The following USP38 variants were observed in gnomAD, a reference collection of about 807,000 sequenced individuals.
USP38 encodes ubiquitin carboxyl-terminal hydrolase 38.
Under a neutral mutation model 94.3 loss-of-function variants are expected in USP38, and 49 were observed. The observed-to-expected ratio is 0.52, with a 90% CI of 0.41 to 0.66. The LOEUF (loss-of-function observed/expected upper bound fraction) is 0.66, where lower values mean the gene tolerates loss of function less well. USP38 is among the 30% of genes least tolerant of loss of function. The pLI is 0.00. For missense variants in USP38, 1,128 were observed against 1,229.4 expected, an observed-to-expected ratio of 0.92 and a Z score of 1.23; for synonymous variants, 468 against 463.6, an observed-to-expected ratio of 1.01 and a Z score of -0.12.
chr4:143,212,199 T>C (rs1452722937), intron 7 of USP38, 119 bp from the exon 8 acceptor site: 3 of 700,530 alleles, frequency 4.3e-6, no homozygotes, highest in South Asian at 2.9e-5. Context: ...TCCGGCACTT[T>C]TGGCTGATGC....
Position 143,185,592 on chromosome 4 carries a change from C to T in USP38, c.142C>T (p.Leu48Phe). 4 of 1,614,172 alleles carry T rather than the reference C, an allele frequency of 2.5e-6. No individual in the cohort carries two copies. The highest frequency in any genetic ancestry group is 3.4e-6 in the Non-Finnish European group (4 of 1,180,030). Residue 48 changes from leucine to phenylalanine, a missense_variant, in exon 1 of 10, where the codon CTC becomes TTC. Leu to Phe is a conservative substitution (Grantham distance 22, BLOSUM62 0). Transcript: ENST00000307017. ...GGCCATGTTTGACCTGACGACCCGG[C>T]TCATCCTGGAGGGCCAGGACCCTTT... ...CEAMFDLTTRLILEGQDPFQR... is the reference protein window; with the variant it reads ...CEAMFDLTTRFILEGQDPFQR...
At chr4:143,188,003 G>A (rs1409776805) in intron 2 of USP38, 42 bp downstream of exon 2, 3 of 1,556,780 alleles carry the variant, frequency 1.9e-6, no homozygotes, top group Non-Finnish European at 2.6e-6. Context: ...GTAGATTTGG[G>A]GAAGAGGAAG....
Position 143,206,077 on chromosome 4 carries a change from T to C in USP38, c.1254T>C (p.Asn418=). ...PSEEKIKLIL[N]QSAWTSQSNS... Reference sequence around the variant, plus strand: ...AAGAGAAGATTAAGTTAATTCTCAATCAAAGTGCCTGGACTTCTCAATCCA... The same window carrying C: ...AAGAGAAGATTAAGTTAATTCTCAACCAAAGTGCCTGGACTTCTCAATCCA... Residue 418 remains asparagine, a synonymous_variant, in exon 6 of 10, where the codon AAT becomes AAC. Transcript: ENST00000307017. The C allele has an allele frequency of 6.2e-7, 1 of 1,612,470 alleles. No homozygotes were observed. Among genetic ancestry groups the C allele is most frequent in the Non-Finnish European group, 8.5e-7 (1 of 1,179,400 alleles).
rs750142883 is a variant in USP38 at position 143,185,477 on chromosome 4, G to A, written c.27G>A (p.Val9=). ...TGGACAAGATCCTGGAGGGCCTTGT[G>A]AGTTCCTCGCATCCCCTGCCCCTCA... MDKILEGL[V]SSSHPLPLKR... The change falls in exon 1 of 10, where the codon GTG becomes GTA. Residue 9 remains valine (V), a synonymous_variant. Transcript: ENST00000307017. 2.5e-6 allele frequency: 4 copies of A among 1,600,478 alleles called. No individual in the cohort carries two copies. The African/African-American group carries it at 5.3e-5, about 21-fold the overall frequency.
chr4:143,199,620 T>G (rs1731653516), intron 4 of USP38, among the ~76,000 whole-genome samples: 1 of 152,168 alleles, frequency 6.6e-6, no homozygotes, highest in Admixed American at 6.5e-5. Context: ...AGTGTTCCCC[T>G]TTTTTTGAAC....
chr4:143,212,448 G>T, intron 8 of USP38, 24 bp downstream of exon 8: 1 of 1,514,800 alleles, frequency 6.6e-7, no homozygotes, highest in Non-Finnish European at 9.0e-7. Context: ...TTAAAATTGT[G>T]ATTTGAGTGT....
At position 143,185,593 on chromosome 4, in the gene USP38, T is replaced by G. The variant is rs777351057; in HGVS notation, c.143T>G (p.Leu48Arg). ...GCCATGTTTGACCTGACGACCCGGC[T>G]CATCCTGGAGGGCCAGGACCCTTTC... Reference protein sequence around the residue: ...CEAMFDLTTRLILEGQDPFQR... With the variant: ...CEAMFDLTTRRILEGQDPFQR... The change falls in exon 1 of 10, where the codon CTC becomes CGC. Residue 48 changes from leucine to arginine, a missense_variant. By Grantham distance (102) the Leu-to-Arg change is moderately radical. Coordinates refer to ENST00000307017, the MANE Select transcript of USP38 (RefSeq NM_032557.6). 4 of 1,614,024 alleles carry G rather than the reference T, an allele frequency of 2.5e-6. No homozygotes were observed. In the African/African-American group the frequency reaches 5.3e-5, roughly 22 times the overall value.
chr4:143,214,106 A>G lies in USP38; in HGVS notation c.2130A>G (p.Pro710=), dbSNP rs750935122. 3.1e-6 allele frequency: 5 copies of G among 1,613,392 alleles called. No individual in the cohort carries two copies. Among genetic ancestry groups the G allele is most frequent in the East Asian group, 2.2e-5 (1 of 44,864 alleles). ...TTAATAAAGATGTACCTCAGAAACCAGGAGGTGAAACCACACCTTCAGTAA... is the reference window on the plus strand; with the variant it reads ...TTAATAAAGATGTACCTCAGAAACCGGGAGGTGAAACCACACCTTCAGTAA... ...ILVNKDVPQK[P]GGETTPSVTD... is the part of the protein sequence containing the mutation. Residue 710 remains proline (P), a synonymous_variant, in exon 9 of 10, where the codon CCA becomes CCG. Coordinates refer to ENST00000307017, the MANE Select transcript of USP38 (RefSeq NM_032557.6).
chr4:143,217,492 C>T (rs535603960), intron 9 of USP38, among the ~76,000 whole-genome samples: 24 of 152,182 alleles, frequency 1.6e-4, no homozygotes, highest in Admixed American at 1.0e-3. Flanking sequence ...AAACTTAAAT[C>T]GTAAAAGTAA....
chr4:143,220,534 T>G lies in USP38; in HGVS notation c.*78T>G. ...TTAAAATGTCAGACTATAACAAATA[T>G]CTATCTTTTATTTTTCATTAGACCC... On this transcript the variant is annotated 3_prime_UTR_variant, in exon 10 of 10. Coordinates refer to ENST00000307017, the MANE Select transcript of USP38 (RefSeq NM_032557.6). 1 of 1,355,074 alleles carries G rather than the reference T, an allele frequency of 7.4e-7. No individual in the cohort carries two copies. The highest frequency in any genetic ancestry group is 9.7e-7 in the Non-Finnish European group (1 of 1,032,020). The allele number at this position is 1,355,074 out of a possible 1,614,324, so 83.9% of individuals were successfully genotyped here.
intron 3 of USP38, among the ~76,000 whole-genome samples, chr4:143,196,130 ACTCCGT>A (rs749688784): frequency 2.0e-5 from 3 of 151,954 alleles, no homozygotes; most frequent in Non-Finnish European, 2.9e-5. Flanking sequence ...ACATGGCAAA[ACTCCGT>A]CTCTACTAAA....
intron 5 of USP38, among the ~76,000 whole-genome samples, chr4:143,205,695 A>G (rs1226399436): frequency 6.6e-6 from 1 of 152,214 alleles, no homozygotes; most frequent in African/African-American, 2.4e-5. Flanking sequence ...CTGCCTTTGA[A>G]TAGCACTGCA....
At chr4:143,196,640 C>A (rs1447671165) in intron 3 of USP38, among the ~76,000 whole-genome samples, 2 of 152,196 alleles carry the variant, frequency 1.3e-5, no homozygotes, top group African/African-American at 2.4e-5. Flanking sequence ...GGTCCATTTT[C>A]TTCTCAGTGC....
At chr4:143,197,973 A>G (rs767081429) in intron 4 of USP38, 49 bp downstream of exon 4, 2 of 1,368,590 alleles carry the variant, frequency 1.5e-6, no homozygotes, top group East Asian at 4.7e-5. Flanking sequence ...CAATTTGAAA[A>G]TTTAGTTTAA....
chr4:143,211,807 C>T (rs1297790395), intron 7 of USP38, among the ~76,000 whole-genome samples: 1 of 152,184 alleles, frequency 6.6e-6, no homozygotes, highest in Non-Finnish European at 1.5e-5. Context: ...AACCAGTGTA[C>T]TCACAATCTG....
chr4:143,188,112 TA>T (rs888014835), intron 2 of USP38, 151 bp downstream of exon 2: 13 of 1,072,486 alleles, frequency 1.2e-5, no homozygotes, highest in Non-Finnish European at 1.7e-5. Context: ...TGGAATTGTT[TA>T]TAGCGTTGAC....
At chr4:143,209,489 CAAA>C (rs111830994) in intron 6 of USP38, 72 bp from the exon 7 acceptor site, 157 of 698,986 alleles carry the variant, frequency 2.2e-4, no homozygotes, top group Middle Eastern at 9.0e-4. Flanking sequence ...AACTCTGTCT[CAAA>C]AAAAAAAAAA....
chr4:143,197,043 T>C (rs1400019102), intron 3 of USP38, among the ~76,000 whole-genome samples: 3 of 152,218 alleles, frequency 2.0e-5, no homozygotes, highest in Non-Finnish European at 2.9e-5. Context: ...CCTGTACTTA[T>C]CACACAAGGT....
intron 2 of USP38, among the ~76,000 whole-genome samples, chr4:143,193,199 T>C (rs1731447972): frequency 6.6e-6 from 1 of 152,214 alleles, no homozygotes; most frequent in Admixed American, 6.5e-5. Flanking sequence ...AAATTGTTTT[T>C]TAAAAAAACT....
Sources: allele counts gnomAD v4.1 joint callset (sites outside exome capture counted in the v4.1 genomes callset), GRCh38; gene constraint gnomAD v4.1.1; transcripts MANE v1.5; gene names NCBI Gene and HGNC (gene_info 2026-07-23, HGNC 2026-07-21).